RMC1: variants seen among roughly 807,000 people sequenced by gnomAD.
RMC1 encodes regulator of MON1-CCZ1 complex.
Under a neutral mutation model 95.5 loss-of-function variants are expected in RMC1, and 44 were observed. The observed-to-expected ratio is 0.46, with a 90% confidence interval of 0.36 to 0.59. The LOEUF (loss-of-function observed/expected upper bound fraction) is 0.59, where lower values mean the gene tolerates loss of function less well. Ranked by LOEUF, RMC1 falls within the 20% of genes least tolerant of loss-of-function variation. The pLI, the probability that RMC1 is intolerant of heterozygous loss-of-function variation, is 0.00. For synonymous variants in RMC1, 320 were observed against 303.6 expected (o/e 1.05, Z -0.56); for missense variants, 705 against 819.6 (o/e 0.86, Z 1.71).
chr18:23,530,189 T>G, intron 17 of RMC1, 40 bp from the exon 18 acceptor site: 1 of 1,613,984 alleles, frequency 6.2e-7, no homozygotes, highest in Non-Finnish European at 8.5e-7. Context: ...ATTTTAACCG[T>G]TATCTTTCCA....
At chr18:23,504,939 C>T (rs1427430108) in intron 2 of RMC1, among the ~76,000 whole-genome samples, 2 of 152,148 alleles carry the variant, frequency 1.3e-5, no homozygotes, top group Non-Finnish European at 2.9e-5. Flanking sequence ...AGAAGTGTCT[C>T]GATTTGGATG....
intron 5 of RMC1, among the ~76,000 whole-genome samples, chr18:23,515,546 T>G (rs1349069756): frequency 6.6e-6 from 1 of 152,236 alleles, no homozygotes; most frequent in African/African-American, 2.4e-5. Flanking sequence ...ATTTATTAAT[T>G]GAGACTGAAT....
At chr18:23,526,942 T>C (rs1360132255) in intron 13 of RMC1, among the ~76,000 whole-genome samples, 177 bp downstream of exon 13, 1 of 152,166 alleles carries the variant, frequency 6.6e-6, no homozygotes, top group Non-Finnish European at 1.5e-5. Context: ...AAAGATGATT[T>C]GTAGAGATAC....
At chr18:23,515,048 C>G (rs1417438476) in intron 5 of RMC1, among the ~76,000 whole-genome samples, 1 of 151,928 alleles carries the variant, frequency 6.6e-6, no homozygotes, top group Non-Finnish European at 1.5e-5. Context: ...CCAGTGTAGA[C>G]TGGAGTCGAG....
At chr18:23,522,731 A>G (rs1035834365) in intron 10 of RMC1, 7 of 152,360 alleles carry the variant, frequency 4.6e-5, no homozygotes, top group African/African-American at 1.7e-4. Context: ...ATAGGAGGAA[A>G]TCAGGAATCC....
chr18:23,516,091 C>T (rs1318444614), intron 6 of RMC1, 95 bp downstream of exon 6: 36 of 1,564,078 alleles, frequency 2.3e-5, no homozygotes, highest in Non-Finnish European at 3.1e-5. Context: ...GGACAGGTTC[C>T]TCTAGCCGTA....
intron 6 of RMC1, 40 bp downstream of exon 6, chr18:23,516,036 G>T: frequency 6.2e-7 from 1 of 1,613,164 alleles, no homozygotes; most frequent in Non-Finnish European, 8.5e-7. Flanking sequence ...CCTTTCCCCA[G>T]TTGTCCCCTG....
chr18:23,530,590 A>G lies in RMC1; in HGVS notation c.1872A>G (p.Arg624=). ...RFFEQRNQRL[R]GSPNFTPGEH... ...TTGAACAGCGAAACCAGCGTTTGCG[A>G]GGGAGCCCCAATTTCACACCAGGTG... The change falls in exon 19 of 20, where the codon CGA becomes CGG. Residue 624 remains arginine, a synonymous_variant. Transcript: ENST00000269221. 6.2e-7 allele frequency: 1 copy of G among 1,613,900 alleles called. No homozygotes were observed. The highest frequency in any genetic ancestry group is 8.5e-7 in the Non-Finnish European group (1 of 1,179,796).
chr18:23,504,435 C>A lies in RMC1; in HGVS notation c.167C>A (p.Pro56His). 1 of 1,613,142 alleles carries A rather than the reference C, an allele frequency of 6.2e-7. No homozygotes were observed. Among genetic ancestry groups the A allele is most frequent in the Non-Finnish European group, 8.5e-7 (1 of 1,179,092 alleles). ...VVVKGPDDRN[P>H]ISFRMDDKGE... ...GTTAAAGGCCCAGATGATAGGAATCCCATCTCATTTAGGTAATGGTATAGA... is the reference window on the plus strand; with the variant it reads ...GTTAAAGGCCCAGATGATAGGAATCACATCTCATTTAGGTAATGGTATAGA... Residue 56 changes from proline (P) to histidine (H), a missense_variant, in exon 2 of 20, where the codon CCC (proline) becomes CAC (histidine). Pro to His is a moderately conservative substitution (Grantham distance 77). Coordinates refer to ENST00000269221, the MANE Select transcript of RMC1 (RefSeq NM_013326.5).
In RMC1 at chr18:23,504,413, A is replaced by G. The variant is rs765002435; in HGVS notation, c.145A>G (p.Lys49Glu). ...TGGTGGAGCTACTGGCGTGGTAGTT[A>G]AAGGCCCAGATGATAGGAATCCCAT... ...RSGGATGVVV[K>E]GPDDRNPISF... The change falls in exon 2 of 20, where the codon AAA becomes GAA. Residue 49 changes from lysine (K) to glutamate (E), a missense_variant. By Grantham distance (56) the Lys-to-Glu change is moderately conservative. Coordinates refer to ENST00000269221, the MANE Select transcript of RMC1 (RefSeq NM_013326.5). The G allele has an allele frequency of 6.2e-7, 1 of 1,614,148 alleles. No homozygotes were observed. Among genetic ancestry groups the G allele is most frequent in the Non-Finnish European group, 8.5e-7 (1 of 1,179,984 alleles).
intron 19 of RMC1, among the ~76,000 whole-genome samples, chr18:23,531,137 C>T (rs957847010): frequency 3.9e-5 from 6 of 152,096 alleles, no homozygotes; most frequent in East Asian, 1.9e-4. Flanking sequence ...ACTACAGGTG[C>T]GTGCCACCAC....
intron 10 of RMC1, among the ~76,000 whole-genome samples, 175 bp from the exon 11 acceptor site, chr18:23,523,955 C>T (rs2058219264): frequency 6.6e-6 from 1 of 152,142 alleles, no homozygotes; most frequent in Admixed American, 6.5e-5. Context: ...TAGCTCCTTC[C>T]CCCTTCCTCC....
intron 6 of RMC1, 142 bp downstream of exon 6, chr18:23,516,138 ACC>A (rs1178632992): frequency 3.7e-6 from 5 of 1,367,262 alleles, no homozygotes; most frequent in Non-Finnish European, 5.1e-6. Context: ...CACTCTGTAT[ACC>A]CGTCAGCTCC....
Position 23,508,030 on chromosome 18 carries a change from C to T in RMC1, c.310C>T (p.Gln104Ter). The T allele has an allele frequency of 6.2e-7, 1 of 1,610,704 alleles. No individual in the cohort carries two copies. Among genetic ancestry groups the T allele is most frequent in the African/African-American group, 1.3e-5 (1 of 74,954 alleles). The stretch of plus-strand genomic sequence containing the variant: ...TGATAATTCCCAGCTGGAATACACA[C>T]AGGAGTGCAAGGTATGACCCCAGGC... ...IPDNSQLEYT[Q>*]ECKTKNANIL... The change falls in exon 4 of 20, where the codon CAG (glutamine) becomes TAG (stop). Residue 104 changes from glutamine (Q) to a stop codon, truncating the protein, a stop_gained. Transcript: ENST00000269221. LOFTEE classifies it high-confidence loss of function.
In RMC1 at chr18:23,518,926, T is replaced by C; in HGVS notation, c.690T>C (p.His230=). The C allele has an allele frequency of 1.9e-6, 3 of 1,614,192 alleles. No individual in the cohort carries two copies. Among genetic ancestry groups the C allele is most frequent in the Non-Finnish European group, 2.5e-6 (3 of 1,180,008 alleles). The change falls in exon 8 of 20, where the codon CAT becomes CAC. Residue 230 remains histidine, a synonymous_variant. Coordinates refer to ENST00000269221, the MANE Select transcript of RMC1 (RefSeq NM_013326.5). The part of the protein sequence containing the change: ...GQLYVLFLRH[H]SRTSNSTGAE... ...TGTATGTTCTCTTCTTGAGGCATCA[T>C]TCTCGGACCTCCAACAGCACAGGAG...
At chr18:23,524,342 A>G (rs1359545418) in intron 11 of RMC1, 87 bp from the exon 12 acceptor site, 8 of 1,524,628 alleles carry the variant, frequency 5.2e-6, no homozygotes, top group South Asian at 2.3e-5. Flanking sequence ...GACTCAGTAC[A>G]TGGTGGGCAG....
At position 23,503,730 on chromosome 18, in the gene RMC1, G is replaced by T. The variant is rs539969930; in HGVS notation, c.102+10G>T. 2.5e-6 allele frequency: 4 copies of T among 1,582,714 alleles called. No individual in the cohort carries two copies. The highest frequency in any genetic ancestry group is 2.4e-5 in the East Asian group (1 of 40,910). ...TGAGGCCAACAAGCAGGTCCGGCGC[G>T]CCCGCGCTTCCTCCCCCGCGCGGCC... On this transcript the variant is annotated intron_variant, in intron 1 of 19. Transcript: ENST00000269221.
chr18:23,521,889 G>C (rs2058151664), intron 10 of RMC1, among the ~76,000 whole-genome samples: 1 of 152,160 alleles, frequency 6.6e-6, no homozygotes, highest in African/African-American at 2.4e-5. Context: ...GTCTCTCCCG[G>C]CTCTCTTTTG....
chr18:23,529,956 C>CT, intron 16 of RMC1, 72 bp from the exon 17 acceptor site: 2 of 1,392,368 alleles, frequency 1.4e-6, no homozygotes, highest in Middle Eastern at 1.8e-4. Context: ...ATAGCCAGTC[C>CT]TTGGGGAGCC....
Sources: allele counts gnomAD v4.1 joint callset (sites outside exome capture counted in the v4.1 genomes callset), GRCh38; gene constraint gnomAD v4.1.1; transcripts MANE v1.5; gene names NCBI Gene and HGNC (gene_info 2026-07-23, HGNC 2026-07-21).